The following ALPL variants were observed in gnomAD, a reference collection of about 807,000 sequenced individuals.
ALPL encodes alkaline phosphatase, biomineralization associated.
A neutral mutation model predicts 51.3 loss-of-function variants in ALPL; 42 were observed. That is an observed-to-expected ratio of 0.82 (90% CI 0.64 to 1.06). ALPL has a LOEUF of 1.06. Among genes scored for constraint, ALPL ranks in the 50% least tolerant of loss-of-function variants. The probability of loss-of-function intolerance (pLI) is 0.00; values close to 1 mark genes in which losing one functional copy is unlikely to be tolerated. For synonymous variants in ALPL, 279 were observed against 296.4 expected (o/e 0.94, Z 0.60); for missense variants, 589 against 709.4 (o/e 0.83, Z 1.93).
intron 1 of ALPL, among the ~76,000 whole-genome samples, chr1:21,542,169 C>T (rs747523220): frequency 7.2e-5 from 11 of 152,200 alleles, no homozygotes; most frequent in Non-Finnish European, 1.3e-4. Context: ...TATGACTCTG[C>T]AGCTGAAATG....
chr1:21,547,230 C>T (rs969283211), intron 1 of ALPL, among the ~76,000 whole-genome samples: 1 of 152,210 alleles, frequency 6.6e-6, no homozygotes, highest in Admixed American at 6.5e-5. Context: ...AGAGGAGCTT[C>T]GTAGCCTGCT....
In ALPL at chr1:21,575,775, A is replaced by T; in HGVS notation, c.1040A>T (p.Gln347Leu). ...DHGHHEGKAKQALHEAVEMDR... is the reference protein window; with the variant it reads ...DHGHHEGKAKLALHEAVEMDR... ...GGGCACCATGAAGGAAAAGCCAAGCAGGCCCTGCATGAGGCGGTGGAGATG... is the reference window on the plus strand; with the variant it reads ...GGGCACCATGAAGGAAAAGCCAAGCTGGCCCTGCATGAGGCGGTGGAGATG... Residue 347 changes from glutamine (Q) to leucine (L), a missense_variant, in exon 10 of 12, where the codon CAG (glutamine) becomes CTG (leucine). Transcript: ENST00000374840. 6.2e-7 allele frequency: 1 copy of T among 1,614,226 alleles called. No homozygotes were observed. The highest frequency in any genetic ancestry group is 8.5e-7 in the Non-Finnish European group (1 of 1,180,038).
At chr1:21,518,285 C>T (rs1327096251) in intron 1 of ALPL, among the ~76,000 whole-genome samples, 2 of 152,042 alleles carry the variant, frequency 1.3e-5, no homozygotes, top group African/African-American at 4.8e-5. Context: ...TAATAACATC[C>T]ATAGTAGTAA....
chr1:21,560,719 A>G lies in ALPL; in HGVS notation c.155A>G (p.Lys52Arg). The G allele has an allele frequency of 6.2e-7, 1 of 1,614,202 alleles. No individual in the cohort carries two copies. Among genetic ancestry groups the G allele is most frequent in the South Asian group, 1.1e-5 (1 of 91,088 alleles). Residue 52 changes from lysine to arginine, a missense_variant, in exon 3 of 12, where the codon AAG becomes AGG. Coordinates refer to ENST00000374840, the MANE Select transcript of ALPL (RefSeq NM_000478.6). ...ELQKLNTNVA[K>R]NVIMFLGDGM... ...CAGAAGCTCAACACCAACGTGGCTAAGAATGTCATCATGTTCCTGGGAGAT... is the reference window on the plus strand; with the variant it reads ...CAGAAGCTCAACACCAACGTGGCTAGGAATGTCATCATGTTCCTGGGAGAT...
chr1:21,515,562 T>G (rs1643779319), intron 1 of ALPL, among the ~76,000 whole-genome samples: 1 of 152,214 alleles, frequency 6.6e-6, no homozygotes, highest in African/African-American at 2.4e-5. Context: ...CTAATTTTTG[T>G]ATTTTTAGTA....
intron 1 of ALPL, among the ~76,000 whole-genome samples, chr1:21,539,572 G>T (rs550956513): frequency 6.6e-6 from 1 of 152,172 alleles, no homozygotes; most frequent in South Asian, 2.1e-4. Context: ...CAGCTGGTTA[G>T]TGGGGAGACC....
chr1:21,510,091 A>G (rs2148046289), intron 1 of ALPL, among the ~76,000 whole-genome samples: 1 of 152,238 alleles, frequency 6.6e-6, no homozygotes, highest in South Asian at 2.1e-4. Flanking sequence ...TGGGTGTCAA[A>G]GTGTGGGCAC....
At chr1:21,565,751 C>T (rs1187267063) in intron 6 of ALPL, among the ~76,000 whole-genome samples, 1 of 151,786 alleles carries the variant, frequency 6.6e-6, no homozygotes, top group Non-Finnish European at 1.5e-5. Context: ...TCACCACCCC[C>T]CCAAAAGCCT....
rs1343337533 is a variant in ALPL, at chr1:21,509,793, G to T, written c.-105+276G>T. On this transcript the variant is annotated intron_variant, in intron 1 of 11. Transcript: ENST00000374840. This position sits in a 1 kb window ranked among gnomAD's most constrained non-coding sequence, Gnocchi z 6.0. ...CCGGCGAACTCAGGGGACCGCGCTC[G>T]GGACCGCCCTGCAGTCCCAGGGTCT... is the stretch of plus-strand genomic sequence containing the variant. 6.6e-6 allele frequency among the ~76,000 whole-genome samples: 1 copy of T among 152,110 alleles called. No individual in the cohort carries two copies. The highest frequency in any genetic ancestry group is 1.5e-5 in the Non-Finnish European group (1 of 68,000).
chr1:21,560,859 G>A, intron 3 of ALPL, 114 bp downstream of exon 3: 1 of 1,394,842 alleles, frequency 7.2e-7, no homozygotes, highest in Non-Finnish European at 9.9e-7. Context: ...TGGAGGAAGG[G>A]TGTTTAAAAG....
At chr1:21,517,953 C>A (rs1188121621) in intron 1 of ALPL, among the ~76,000 whole-genome samples, 9 of 151,934 alleles carry the variant, frequency 5.9e-5, no homozygotes, top group Admixed American at 5.9e-4. Context: ...AAAAGGACAT[C>A]CCAGAACCAG....
At chr1:21,529,881 C>A (rs553296296) in intron 1 of ALPL, among the ~76,000 whole-genome samples, 1 of 152,292 alleles carries the variant, frequency 6.6e-6, no homozygotes, top group South Asian at 2.1e-4. Flanking sequence ...AAGTGATCCT[C>A]CCACTTCAGC....
intron 10 of ALPL, 26 bp downstream of exon 10, chr1:21,575,950 C>A: frequency 6.2e-7 from 1 of 1,613,782 alleles, no homozygotes; most frequent in Non-Finnish European, 8.5e-7. Flanking sequence ...TTGGGGTGGA[C>A]ACTCCTGGGG....
intron 1 of ALPL, among the ~76,000 whole-genome samples, chr1:21,517,707 C>A (rs1183367293): frequency 2.0e-5 from 3 of 152,168 alleles, no homozygotes; most frequent in Admixed American, 1.3e-4. Context: ...GTCCCTTTCC[C>A]TCTCTTAGCT....
intron 1 of ALPL, among the ~76,000 whole-genome samples, chr1:21,549,109 T>C (rs79337248): frequency 0.015 from 2,304 of 152,320 alleles, 51 homozygotes; most frequent in African/African-American, 0.051. Context: ...CCAGCGAGTA[T>C]GATGGTTTCT....
intron 1 of ALPL, among the ~76,000 whole-genome samples, chr1:21,531,438 A>G (rs1465512335): frequency 6.6e-6 from 1 of 152,152 alleles, no homozygotes; most frequent in Non-Finnish European, 1.5e-5. Flanking sequence ...TTTATGCAAG[A>G]TACTTTTTGT....
intron 1 of ALPL, among the ~76,000 whole-genome samples, chr1:21,524,264 A>G (rs567906645): frequency 2.6e-5 from 4 of 152,164 alleles, no homozygotes; most frequent in Non-Finnish European, 4.4e-5. Context: ...AGCCTCCCAA[A>G]GTGCTGGAAT....
intron 1 of ALPL, among the ~76,000 whole-genome samples, chr1:21,544,372 G>A (rs1449772773): frequency 6.6e-6 from 1 of 152,356 alleles, no homozygotes. Flanking sequence ...TGTGGTGACT[G>A]AGAGTGGTGC....
chr1:21,542,031 G>A (rs1256340), intron 1 of ALPL, among the ~76,000 whole-genome samples: 34 of 152,302 alleles, frequency 2.2e-4, no homozygotes, highest in African/African-American at 7.7e-4. Flanking sequence ...ACATTCCTGC[G>A]CAAGCACTTC....
Sources: allele counts gnomAD v4.1 joint callset (sites outside exome capture counted in the v4.1 genomes callset), GRCh38; gene constraint gnomAD v4.1.1; non-coding constraint Gnocchi (gnomAD v3.1); transcripts MANE v1.5; gene names NCBI Gene and HGNC (gene_info 2026-07-23, HGNC 2026-07-21).